Variants in SPTB observed in about 807,000 individuals in gnomAD.
The protein encoded by SPTB is spectrin beta chain, erythrocytic.
SPTB carries 45 observed loss-of-function variants against 256.2 expected under a neutral mutation model. The ratio of observed to expected loss-of-function variants is 0.18; its 90% confidence interval spans 0.14 to 0.23. The LOEUF (loss-of-function observed/expected upper bound fraction) is 0.23, where lower values mean the gene tolerates loss of function less well. Ranked by LOEUF, SPTB falls within the 10% of genes least tolerant of loss-of-function variation. The pLI is 1.00. For missense variants in SPTB, 2,715 were observed against 3,040.4 expected, an observed-to-expected ratio of 0.89 and a Z score of 2.52; for synonymous variants, 1,231 against 1,243.1, an observed-to-expected ratio of 0.99 and a Z score of 0.21.
chr14:64,751,482 T>C (rs1479149172), intron 33 of SPTB, among the ~76,000 whole-genome samples: 1 of 152,164 alleles, frequency 6.6e-6, no homozygotes, highest in African/African-American at 2.4e-5. Context: ...TCACAATCCC[T>C]TTATTGATGA....
chr14:64,876,556 A>G (rs935887220), intron 1 of SPTB, among the ~76,000 whole-genome samples: 1 of 152,198 alleles, frequency 6.6e-6, no homozygotes, highest in Non-Finnish European at 1.5e-5. Flanking sequence ...ACAGTTCTCT[A>G]AAGTCCTTCC....
rs1882198404 is a variant in SPTB at position 64,866,625 on chromosome 14, A to G, written c.-52+13167T>C. On this transcript the variant is annotated intron_variant, in intron 1 of 35. Transcript: ENST00000644917. This position sits in a 1 kb window ranked among gnomAD's most constrained non-coding sequence, Gnocchi z 4.6. Reference sequence around the variant, plus strand: ...ATTGCAGTGGGAGTGCATCCATGACAGAGAGTTTTGTTGAAAGGAACAAAA... The same window carrying G: ...ATTGCAGTGGGAGTGCATCCATGACGGAGAGTTTTGTTGAAAGGAACAAAA... Among the ~76,000 whole-genome samples, 1 of 152,128 alleles carries G rather than the reference A, an allele frequency of 6.6e-6. No homozygotes were observed. The highest frequency in any genetic ancestry group is 1.5e-5 in the Non-Finnish European group (1 of 68,024).
At chr14:64,868,846 T>A (rs1882349734) in intron 1 of SPTB, among the ~76,000 whole-genome samples, 1 of 152,168 alleles carries the variant, frequency 6.6e-6, no homozygotes, top group African/African-American at 2.4e-5. Flanking sequence ...CTAATTAGCA[T>A]CTCCATCCTT....
At chr14:64,854,021 G>A (rs1475668438) in intron 1 of SPTB, among the ~76,000 whole-genome samples, 4 of 151,818 alleles carry the variant, frequency 2.6e-5, no homozygotes, top group East Asian at 2.0e-4. Context: ...GCAAAACCCC[G>A]GCTCTATTAA....
chr14:64,876,654 T>G (rs997496987), intron 1 of SPTB, among the ~76,000 whole-genome samples: 2 of 152,234 alleles, frequency 1.3e-5, no homozygotes, highest in Non-Finnish European at 2.9e-5. Flanking sequence ...AATGTATACA[T>G]GTGTACACCT....
At chr14:64,818,548 G>A (rs2083232601) in intron 2 of SPTB, among the ~76,000 whole-genome samples, 1 of 152,194 alleles carries the variant, frequency 6.6e-6, no homozygotes, top group Non-Finnish European at 1.5e-5. Flanking sequence ...CCTCACTGGA[G>A]TCACTGGAGT....
At chr14:64,752,543 G>A (rs766108466) in intron 33 of SPTB, among the ~76,000 whole-genome samples, 1 of 152,160 alleles carries the variant, frequency 6.6e-6, no homozygotes, top group Non-Finnish European at 1.5e-5. Flanking sequence ...TAACCTTTCC[G>A]AGACTCTGTT....
In SPTB at chr14:64,791,759, T is replaced by C. The variant is rs199859148; in HGVS notation, c.2764A>G (p.Ser922Gly). Residue 922 changes from serine to glycine, a missense_variant, in exon 15 of 36, where the codon AGC becomes GGC. Transcript: ENST00000644917. ...TCCTGGTACTGCTTCACCTCCCTGCTGCGTGGGTGGCCACTCTCTACCAAG... is the reference window on the plus strand; with the variant it reads ...TCCTGGTACTGCTTCACCTCCCTGCCGCGTGGGTGGCCACTCTCTACCAAG... ...NSLVESGHPR[S>G]REVKQYQDHL... 3 of 1,614,144 alleles carry C rather than the reference T, an allele frequency of 1.9e-6. No homozygotes were observed.
chr14:64,752,067 CG>C, intron 33 of SPTB: 1 of 756,170 alleles, frequency 1.3e-6, no homozygotes, highest in Non-Finnish European at 1.8e-6. Context: ...TCACTCCAGC[CG>C]GGGTGACAGA....
At position 64,771,067 on chromosome 14, in the gene SPTB, C is replaced by T. The variant is rs767825891; in HGVS notation, c.5616G>A (p.Glu1872=). The T allele has an allele frequency of 8.1e-6, 13 of 1,614,158 alleles. No homozygotes were observed. In the South Asian group the frequency reaches 1.3e-4, roughly 16 times the overall value. The stretch of plus-strand genomic sequence containing the variant: ...CCTCCTGCTCCTTGTTCTGGATGGC[C>T]TCTGCCTTCTCCCCAGCATATGCTG... ...LQTAYAGEKA[E]AIQNKEQEVS... is the part of the protein sequence containing the mutation. The change falls in exon 27 of 36, where the codon GAG becomes GAA. Residue 1872 remains glutamate (E), a synonymous_variant. Transcript: ENST00000644917.
At chr14:64,876,532 A>T (rs1247717169) in intron 1 of SPTB, among the ~76,000 whole-genome samples, 1 of 152,202 alleles carries the variant, frequency 6.6e-6, no homozygotes, top group Non-Finnish European at 1.5e-5. Flanking sequence ...TAAAACACGT[A>T]TCTGACGGTC....
intron 2 of SPTB, among the ~76,000 whole-genome samples, chr14:64,808,484 A>G (rs777228537): frequency 3.3e-5 from 5 of 152,304 alleles, no homozygotes; most frequent in Non-Finnish European, 7.4e-5. Flanking sequence ...GTTTAGTTTC[A>G]GGTCAAATAC....
intron 32 of SPTB, chr14:64,755,404 A>G (rs553297778): frequency 2.6e-5 from 4 of 152,360 alleles, no homozygotes; most frequent in African/African-American, 9.6e-5. Context: ...GTTGCAAGAA[A>G]GATAAAACTG....
At chr14:64,856,715 T>A (rs1233012507) in intron 1 of SPTB, among the ~76,000 whole-genome samples, 3 of 152,172 alleles carry the variant, frequency 2.0e-5, no homozygotes, top group Admixed American at 1.3e-4. Flanking sequence ...GTTCCCAAGG[T>A]TTACGGAGCT....
rs2082776547 is a variant in SPTB at position 64,796,700 on chromosome 14, C to T, written c.1198G>A (p.Glu400Lys). ...AGCTCCCGCCGATACTCAGCTTCCT[C>T]CAGGCTTTCCCAGGCCTGCACAAAG... is the stretch of plus-strand genomic sequence containing the variant. ...SDINRAWESL[E>K]EAEYRRELAL... is the part of the protein sequence containing the mutation. The change falls in exon 11 of 36, where the codon GAG becomes AAG. Residue 400 changes from glutamate (E) to lysine (K), a missense_variant. This residue lies in a region of SPTB where 416 missense variants were observed against 571.1 expected (regional missense o/e 0.73). Transcript: ENST00000644917. This position sits in a 1 kb window ranked among gnomAD's most constrained non-coding sequence, Gnocchi z 4.1. 1 of 1,614,126 alleles carries T rather than the reference C, an allele frequency of 6.2e-7. No individual in the cohort carries two copies. Among genetic ancestry groups the T allele is most frequent in the Non-Finnish European group, 8.5e-7 (1 of 1,180,060 alleles).
At position 64,852,926 on chromosome 14, in the gene SPTB, T is replaced by A. The variant is rs1275800293; in HGVS notation, c.-52+26866A>T. ...GCCAGTGAATTATTACAAATAATTATAATTTACACATTGCAGAGTGCTGCC... is the reference window on the plus strand; with the variant it reads ...GCCAGTGAATTATTACAAATAATTAAAATTTACACATTGCAGAGTGCTGCC... On this transcript the variant is annotated intron_variant, in intron 1 of 35. Transcript: ENST00000644917. The surrounding 1 kb of genome is among the most constrained non-coding windows in gnomAD (Gnocchi z 4.2). 2.0e-5 allele frequency among the ~76,000 whole-genome samples: 3 copies of A among 152,190 alleles called. No individual in the cohort carries two copies. The highest frequency in any genetic ancestry group is 4.4e-5 in the Non-Finnish European group (3 of 68,040).
At position 64,792,497 on chromosome 14, in the gene SPTB, G is replaced by A. The variant is rs916786778; in HGVS notation, c.2666+500C>T. Among the ~76,000 whole-genome samples, 1 of 152,124 alleles carries A rather than the reference G, an allele frequency of 6.6e-6. No homozygotes were observed. Among genetic ancestry groups the A allele is most frequent in the African/African-American group, 2.4e-5 (1 of 41,414 alleles). On this transcript the variant is annotated intron_variant, in intron 14 of 35. Coordinates refer to ENST00000644917, the MANE Select transcript of SPTB (RefSeq NM_001355436.2). This position sits in a 1 kb window ranked among gnomAD's most constrained non-coding sequence, Gnocchi z 4.2. ...AGCTGCTGAGATGCTGCACAGACTG[G>A]GGCATGCCTCATCATCTGGGGTGCT...
rs189063372 is a variant in SPTB at position 64,867,561 on chromosome 14, G to A, written c.-52+12231C>T. ...GGTCTTAAGGCATATATGTGTAAGAGTTCATGGCTGTGCTGGGTGCGGAGG... is the reference window on the plus strand; with the variant it reads ...GGTCTTAAGGCATATATGTGTAAGAATTCATGGCTGTGCTGGGTGCGGAGG... On this transcript the variant is annotated intron_variant, in intron 1 of 35. Transcript: ENST00000644917. Among the ~76,000 whole-genome samples the A allele has an allele frequency of 2.1e-3, 325 of 152,274 alleles. 4 individuals carry two copies. In the South Asian group the frequency reaches 0.025, roughly 12 times the overall value.
chr14:64,800,659 G>C, intron 8 of SPTB, 97 bp downstream of exon 8: 1 of 1,081,240 alleles, frequency 9.2e-7, no homozygotes, highest in South Asian at 1.3e-5. Flanking sequence ...TGGGTGAGCT[G>C]TACTCTTCAC....
Sources: gnomAD v4.1 joint callset for allele counts (sites outside exome capture counted in the v4.1 genomes callset) on GRCh38, gnomAD v4.1.1 for gene constraint, gnomAD v4.1.1 regional missense constraint, Gnocchi (gnomAD v3.1) non-coding constraint, MANE v1.5 for transcripts, NCBI Gene and HGNC (gene_info 2026-07-23, HGNC 2026-07-21) for gene names.